Variants in SPHKAP observed in about 807,000 individuals in gnomAD.
The protein encoded by SPHKAP is A-kinase anchor protein SPHKAP.
In SPHKAP, 67 loss-of-function variants were observed where a neutral mutation model predicts 137.5. That is an observed-to-expected ratio of 0.49 (90% CI 0.40 to 0.60). The LOEUF (loss-of-function observed/expected upper bound fraction) is 0.60. Among genes scored for constraint, SPHKAP ranks in the 20% least tolerant of loss-of-function variants. The pLI is 0.00. For missense variants in SPHKAP, 2,097 were observed against 2,069.3 expected, an observed-to-expected ratio of 1.01 and a Z score of -0.26; for synonymous variants, 813 against 785.3, an observed-to-expected ratio of 1.04 and a Z score of -0.59.
intron 7 of SPHKAP, among the ~76,000 whole-genome samples, chr2:228,000,112 T>G (rs1481269223): frequency 2.0e-5 from 3 of 152,244 alleles, no homozygotes; most frequent in Non-Finnish European, 4.4e-5. Flanking sequence ...ACTGATCTTT[T>G]TATTGTCTCC....
chr2:228,003,076 TTAAAG>T (rs1257123914), intron 7 of SPHKAP, among the ~76,000 whole-genome samples: 17 of 152,176 alleles, frequency 1.1e-4, no homozygotes, highest in Non-Finnish European at 7.3e-5. Flanking sequence ...CATGTGAACT[TTAAAG>T]TAGTTTTTTC....
chr2:227,990,984 AC>A lies in SPHKAP; in HGVS notation c.4959+15del. On this transcript the variant is annotated intron_variant, in intron 11 of 11. Transcript: ENST00000392056. ...AACACAAAGCTTTCTTGTTTTCCAA[AC>A]CTGGTACATGATACCTTTTCAATTC... 2 of 1,610,680 alleles carry A rather than the reference AC, an allele frequency of 1.2e-6. No individual in the cohort carries two copies. Among genetic ancestry groups the A allele is most frequent in the Non-Finnish European group, 8.5e-7 (1 of 1,177,460 alleles).
chr2:228,023,461 G>A (rs1694914576), intron 5 of SPHKAP, among the ~76,000 whole-genome samples: 1 of 152,162 alleles, frequency 6.6e-6, no homozygotes, highest in Non-Finnish European at 1.5e-5. Flanking sequence ...ATTAGCATTT[G>A]AGACCCACTG....
chr2:228,159,296 A>G (rs1484100686), intron 1 of SPHKAP, among the ~76,000 whole-genome samples: 1 of 152,234 alleles, frequency 6.6e-6, no homozygotes, highest in Non-Finnish European at 1.5e-5. Flanking sequence ...GCTTAAACAA[A>G]GAGCAGGGGA....
chr2:228,105,841 T>A (rs773021934), intron 3 of SPHKAP, among the ~76,000 whole-genome samples: 14 of 152,210 alleles, frequency 9.2e-5, no homozygotes, highest in Non-Finnish European at 1.8e-4. Context: ...CGTGGAACTG[T>A]GAGTTCATTA....
At chr2:228,092,642 A>G (rs1019354089) in intron 3 of SPHKAP, among the ~76,000 whole-genome samples, 3 of 148,228 alleles carry the variant, frequency 2.0e-5, no homozygotes, top group African/African-American at 7.4e-5. Flanking sequence ...TTATATGTGT[A>G]TATATGTATA....
At chr2:228,060,384 C>A (rs1696592990) in intron 3 of SPHKAP, among the ~76,000 whole-genome samples, 1 of 152,122 alleles carries the variant, frequency 6.6e-6, no homozygotes, top group East Asian at 1.9e-4. Context: ...AAAGAATAAT[C>A]ACACGGGTTC....
chr2:228,132,582 G>A (rs68009408), intron 1 of SPHKAP: 255,912 of 746,768 alleles, frequency 0.34, 44,021 homozygotes, highest in East Asian at 0.5. Flanking sequence ...CCATTCCTGC[G>A]GCTGGAGATA....
intron 3 of SPHKAP, among the ~76,000 whole-genome samples, chr2:228,093,633 G>A (rs565354158): frequency 2.6e-5 from 4 of 152,064 alleles, no homozygotes; most frequent in African/African-American, 7.2e-5. Context: ...GCTGAGGTGG[G>A]GGGACCACTA....
chr2:228,096,909 C>T (rs1474163672), intron 3 of SPHKAP, among the ~76,000 whole-genome samples: 1 of 152,010 alleles, frequency 6.6e-6, no homozygotes, highest in Non-Finnish European at 1.5e-5. Context: ...AAACATACAT[C>T]CTGGGGGTGT....
chr2:228,079,288 C>T (rs185901218), intron 3 of SPHKAP, among the ~76,000 whole-genome samples: 45 of 152,288 alleles, frequency 3.0e-4, no homozygotes, highest in Non-Finnish European at 4.9e-4. Flanking sequence ...AGAGCTCAGG[C>T]GATAATGCTT....
intron 3 of SPHKAP, among the ~76,000 whole-genome samples, chr2:228,100,500 AT>A (rs946310934): frequency 4.6e-5 from 7 of 151,994 alleles, no homozygotes; most frequent in African/African-American, 1.7e-4. Flanking sequence ...GGCTCTTATT[AT>A]TTTGAGGTAT....
chr2:228,151,182 T>A (rs1035043358), intron 1 of SPHKAP, among the ~76,000 whole-genome samples: 1 of 148,104 alleles, frequency 6.8e-6, no homozygotes, highest in Non-Finnish European at 1.5e-5. Context: ...GAACATGCGG[T>A]GTTTGGTTTT....
chr2:228,013,120 T>C (rs1694450955), intron 7 of SPHKAP, among the ~76,000 whole-genome samples: 1 of 152,238 alleles, frequency 6.6e-6, no homozygotes, highest in Non-Finnish European at 1.5e-5. Context: ...AGTTTTGTAC[T>C]TAGCTATTTG....
chr2:228,055,708 G>A lies in SPHKAP; in HGVS notation c.247-28165C>T, dbSNP rs73997204. Among the ~76,000 whole-genome samples, 348 of 152,276 alleles carry A rather than the reference G, an allele frequency of 2.3e-3. 1 individual carries two copies. Among genetic ancestry groups the A allele is most frequent in the African/African-American group, 8.3e-3 (343 of 41,552 alleles). On this transcript the variant is annotated intron_variant, in intron 3 of 11. Coordinates refer to ENST00000392056, the MANE Select transcript of SPHKAP (RefSeq NM_001142644.2). ...ATACTGATGACAGCTGATGGCATTGGGATTCCCAGTGATGGCAGCCTCAGC... is the reference window on the plus strand; with the variant it reads ...ATACTGATGACAGCTGATGGCATTGAGATTCCCAGTGATGGCAGCCTCAGC...
chr2:228,045,945 G>A lies in SPHKAP; in HGVS notation c.247-18402C>T, dbSNP rs199647906. 2.0e-4 allele frequency among the ~76,000 whole-genome samples: 31 copies of A among 152,148 alleles called. No individual in the cohort carries two copies. The East Asian group carries it at 5.8e-3, about 28-fold the overall frequency. ...AAAATGGGGAGAAATTGGTCAAAGGGAATAAACTTTCAGTTTTAAGATGAA... is the reference window on the plus strand; with the variant it reads ...AAAATGGGGAGAAATTGGTCAAAGGAAATAAACTTTCAGTTTTAAGATGAA... On this transcript the variant is annotated intron_variant, in intron 3 of 11. Coordinates refer to ENST00000392056, the MANE Select transcript of SPHKAP (RefSeq NM_001142644.2).
intron 2 of SPHKAP, among the ~76,000 whole-genome samples, chr2:228,122,370 G>A (rs888668720): frequency 9.2e-5 from 14 of 152,074 alleles, no homozygotes; most frequent in African/African-American, 3.4e-4. Flanking sequence ...GATGCTCAAG[G>A]AACTGAGCTA....
chr2:228,099,935 C>T (rs991370474), intron 3 of SPHKAP, among the ~76,000 whole-genome samples: 12 of 151,662 alleles, frequency 7.9e-5, no homozygotes, highest in Admixed American at 3.9e-4. Flanking sequence ...CTGCAAGCTC[C>T]GCCTCCTGGG....
intron 9 of SPHKAP, among the ~76,000 whole-genome samples, chr2:227,992,936 G>A (rs369944568): frequency 3.3e-5 from 5 of 151,958 alleles, no homozygotes; most frequent in South Asian, 2.1e-4. Flanking sequence ...AAGTAGTCCC[G>A]ACCTCATGCT....
Sources: gnomAD v4.1 joint callset for allele counts (sites outside exome capture counted in the v4.1 genomes callset) on GRCh38, gnomAD v4.1.1 for gene constraint, MANE v1.5 for transcripts, NCBI Gene and HGNC (gene_info 2026-07-23, HGNC 2026-07-21) for gene names.